Variants in AGTR1 observed in about 807,000 individuals in gnomAD.
The protein encoded by AGTR1 is angiotensin II receptor type 1, also known as type-1 angiotensin II receptor.
AGTR1 carries 16 observed loss-of-function variants against 19.4 expected under a neutral mutation model. The observed-to-expected ratio is 0.82, with a 90% CI of 0.56 to 1.25. AGTR1 has a LOEUF of 1.25. AGTR1 is among the 50% of genes most tolerant of loss of function. The probability of loss-of-function intolerance (pLI) is 0.00; values close to 1 mark genes in which losing one functional copy is unlikely to be tolerated. For synonymous variants in AGTR1, 153 were observed against 154.9 expected (o/e 0.99, Z 0.09); for missense variants, 373 against 431.9 (o/e 0.86, Z 1.21).
intron 2 of AGTR1, among the ~76,000 whole-genome samples, chr3:148,717,531 A>T (rs1175060200): frequency 2.0e-5 from 3 of 152,186 alleles, no homozygotes; most frequent in African/African-American, 7.2e-5. Context: ...ATTTTAAAAA[A>T]ATATAAATGA....
At chr3:148,739,425 G>T (rs1367750107) in intron 2 of AGTR1, among the ~76,000 whole-genome samples, 1 of 152,014 alleles carries the variant, frequency 6.6e-6, no homozygotes, top group Non-Finnish European at 1.5e-5. Flanking sequence ...AGTTGGGAAG[G>T]CTTCACCAAA....
At chr3:148,711,424 T>C (rs1712977597) in intron 2 of AGTR1, among the ~76,000 whole-genome samples, 1 of 152,228 alleles carries the variant, frequency 6.6e-6, no homozygotes, top group South Asian at 2.1e-4. Context: ...CCTTTACACA[T>C]TTAATAGTAT....
chr3:148,701,697 G>A (rs1712352989), intron 1 of AGTR1, among the ~76,000 whole-genome samples: 1 of 152,044 alleles, frequency 6.6e-6, no homozygotes, highest in African/African-American at 2.4e-5. Flanking sequence ...TAAAAGTTTG[G>A]AAAATGGGTA....
chr3:148,739,906 G>A, intron 2 of AGTR1: 2 of 1,231,932 alleles, frequency 1.6e-6, no homozygotes, highest in Non-Finnish European at 2.0e-6. Flanking sequence ...AGCTGTCCTG[G>A]CCTGTGCCCA....
At position 148,716,930 on chromosome 3, in the gene AGTR1, G is replaced by A. The variant is rs1312957356; in HGVS notation, c.-48+8903G>A. 6.6e-6 allele frequency among the ~76,000 whole-genome samples: 1 copy of A among 152,094 alleles called. No individual in the cohort carries two copies. Among genetic ancestry groups the A allele is most frequent in the Non-Finnish European group, 1.5e-5 (1 of 68,012 alleles). On this transcript the variant is annotated intron_variant, in intron 2 of 2. Coordinates refer to ENST00000349243, the MANE Select transcript of AGTR1 (RefSeq NM_000685.5). This position sits in a 1 kb window ranked among gnomAD's most constrained non-coding sequence, Gnocchi z 4.7. ...TTCAGATCAGAAAAAATAAAAGAGA[G>A]AGATGAATTAATCTCAATGGCACAG...
intron 2 of AGTR1, among the ~76,000 whole-genome samples, chr3:148,725,407 A>C (rs1351022886): frequency 2.0e-5 from 3 of 152,218 alleles, no homozygotes; most frequent in African/African-American, 7.2e-5. Flanking sequence ...TAGGGCTTCT[A>C]ACTTCATTAT....
chr3:148,708,264 T>C (rs1386072947), intron 2 of AGTR1, among the ~76,000 whole-genome samples: 1 of 152,206 alleles, frequency 6.6e-6, no homozygotes, highest in Non-Finnish European at 1.5e-5. Context: ...TCCATTCATG[T>C]ACTGATAATG....
intron 2 of AGTR1, among the ~76,000 whole-genome samples, chr3:148,710,945 C>T (rs1172644825): frequency 6.6e-6 from 1 of 152,112 alleles, no homozygotes; most frequent in Non-Finnish European, 1.5e-5. Context: ...ATGCTGGTTC[C>T]CTATCACCTT....
At chr3:148,720,608 T>C (rs1022142531) in intron 2 of AGTR1, among the ~76,000 whole-genome samples, 2 of 152,184 alleles carry the variant, frequency 1.3e-5, no homozygotes, top group Admixed American at 1.3e-4. Context: ...TAATTAACTA[T>C]GTACAGTACT....
intron 2 of AGTR1, among the ~76,000 whole-genome samples, chr3:148,711,589 CT>C (rs1372415368): frequency 7.9e-5 from 12 of 151,894 alleles, no homozygotes; most frequent in Non-Finnish European, 1.6e-4. Context: ...ATGAAGCTTG[CT>C]TTAGGAAACA....
At position 148,720,677 on chromosome 3, in the gene AGTR1, G is replaced by A. The variant is rs558323790; in HGVS notation, c.-48+12650G>A. 2.6e-5 allele frequency among the ~76,000 whole-genome samples: 4 copies of A among 151,096 alleles called. No individual in the cohort carries two copies. In the South Asian group the frequency reaches 6.3e-4, roughly 24 times the overall value. On this transcript the variant is annotated intron_variant, in intron 2 of 2. Transcript: ENST00000349243. ...GTACCGGTTTGGCCTAAATAAACAT[G>A]CAATAAAAAAGCCATAGGATTTTAT...
intron 2 of AGTR1, chr3:148,730,455 C>T: frequency 2.7e-6 from 1 of 365,466 alleles, no homozygotes; most frequent in Non-Finnish European, 4.9e-6. Context: ...TGACATCCTG[C>T]TGGGCACACT....
At chr3:148,700,506 C>T (rs905637524) in intron 1 of AGTR1, among the ~76,000 whole-genome samples, 5 of 152,118 alleles carry the variant, frequency 3.3e-5, no homozygotes, top group African/African-American at 9.7e-5. Context: ...GGTGTTTTGG[C>T]TGCTTAATGC....
At chr3:148,718,449 G>A (rs1713420220) in intron 2 of AGTR1, among the ~76,000 whole-genome samples, 1 of 152,184 alleles carries the variant, frequency 6.6e-6, no homozygotes, top group South Asian at 2.1e-4. Context: ...AAGGCTCAGA[G>A]CCTGGGCTTC....
chr3:148,729,512 T>C (rs529597377), intron 2 of AGTR1, among the ~76,000 whole-genome samples: 95 of 152,344 alleles, frequency 6.2e-4, no homozygotes, highest in African/African-American at 2.2e-3. Flanking sequence ...GAATATATTT[T>C]AATTTCAAAT....
chr3:148,725,049 A>C (rs916193365), intron 2 of AGTR1, among the ~76,000 whole-genome samples: 1 of 152,180 alleles, frequency 6.6e-6, no homozygotes, highest in African/African-American at 2.4e-5. Context: ...AGTGTTGTAT[A>C]ATTATTAGAA....
intron 2 of AGTR1, among the ~76,000 whole-genome samples, chr3:148,710,308 T>A (rs892920358): frequency 6.6e-6 from 1 of 152,194 alleles, no homozygotes; most frequent in African/African-American, 2.4e-5. Flanking sequence ...TTCCTGTTTG[T>A]TTGCATATTA....
At chr3:148,731,349 G>A (rs1714245675) in intron 2 of AGTR1, 2 of 152,130 alleles carry the variant, frequency 1.3e-5, no homozygotes, top group Non-Finnish European at 2.9e-5. Flanking sequence ...GCTGCCACAA[G>A]TAGTAAATGT....
At chr3:148,736,007 A>T (rs1390204498) in intron 2 of AGTR1, among the ~76,000 whole-genome samples, 2 of 152,162 alleles carry the variant, frequency 1.3e-5, no homozygotes, top group Non-Finnish European at 2.9e-5. Flanking sequence ...ATCATAGGAA[A>T]CTATGGGGAA....
Sources: gnomAD v4.1 joint callset for allele counts (sites outside exome capture counted in the v4.1 genomes callset) on GRCh38, gnomAD v4.1.1 for gene constraint, Gnocchi (gnomAD v3.1) non-coding constraint, MANE v1.5 for transcripts, NCBI Gene and HGNC (gene_info 2026-07-23, HGNC 2026-07-21) for gene names.